LRP1B: variants seen among roughly 807,000 people sequenced by gnomAD.
LRP1B encodes low-density lipoprotein receptor-related protein 1B.
Under a neutral mutation model 556.6 loss-of-function variants are expected in LRP1B, and 217 were observed. That is an observed-to-expected ratio of 0.39 (90% CI 0.35 to 0.44). The LOEUF is 0.44. Ranked by LOEUF, LRP1B falls within the 20% of genes least tolerant of loss-of-function variation. The pLI, the probability that LRP1B is intolerant of heterozygous loss-of-function variation, is 1.00. For synonymous variants in LRP1B, 2,047 were observed against 1,865.8 expected, an observed-to-expected ratio of 1.10 and a Z score of -2.50; for missense variants, 5,053 against 5,620.8, an observed-to-expected ratio of 0.90 and a Z score of 3.23.
Position 141,971,892 on chromosome 2 carries a change from A to G in LRP1B, c.82+158756T>C, listed in dbSNP as rs1489089369. Among the ~76,000 whole-genome samples, 29 of 151,450 alleles carry G rather than the reference A, an allele frequency of 1.9e-4. No individual in the cohort carries two copies. The Admixed American group carries it at 1.9e-3, about 10-fold the overall frequency. ...TCCAGGCTAGAAATTGTAGGCACTG[A>G]TCACTCTTCACCCCTTTATACCTAA... is the stretch of plus-strand genomic sequence containing the variant. On this transcript the variant is annotated intron_variant, in intron 1 of 90. Coordinates refer to ENST00000389484, the MANE Select transcript of LRP1B (RefSeq NM_018557.3).
chr2:141,986,085 A>G (rs1297590742), intron 1 of LRP1B, among the ~76,000 whole-genome samples: 3 of 151,960 alleles, frequency 2.0e-5, no homozygotes, highest in Non-Finnish European at 4.4e-5. Context: ...GTAAATGTTC[A>G]TATCTAAAAT....
chr2:140,390,531 T>A lies in LRP1B; in HGVS notation c.10415-4522A>T, dbSNP rs561639784. On this transcript the variant is annotated intron_variant, in intron 66 of 90. Transcript: ENST00000389484. Reference sequence around the variant, plus strand: ...TAATGTTGGAAAAGACAAGGGTTACTTGGACAGGCATTGAAAAAAAGCATT... The same window carrying A: ...TAATGTTGGAAAAGACAAGGGTTACATGGACAGGCATTGAAAAAAAGCATT... Among the ~76,000 whole-genome samples, 3 of 151,862 alleles carry A rather than the reference T, an allele frequency of 2.0e-5. No individual in the cohort carries two copies. In the South Asian group the frequency reaches 6.2e-4, roughly 32 times the overall value.
chr2:141,441,865 T>C (rs1680990583), intron 3 of LRP1B, among the ~76,000 whole-genome samples: 1 of 152,230 alleles, frequency 6.6e-6, no homozygotes, highest in South Asian at 2.1e-4. Flanking sequence ...GAGAAATCAA[T>C]TTGTCAGGAC....
intron 66 of LRP1B, among the ~76,000 whole-genome samples, chr2:140,403,822 T>C (rs2105233377): frequency 6.6e-6 from 1 of 152,174 alleles, no homozygotes; most frequent in South Asian, 2.1e-4. Flanking sequence ...AGACACATAG[T>C]CATCAGGCTA....
At chr2:141,036,018 T>C (rs978059108) in intron 11 of LRP1B, among the ~76,000 whole-genome samples, 1 of 152,100 alleles carries the variant, frequency 6.6e-6, no homozygotes, top group Admixed American at 6.6e-5. Flanking sequence ...TTGCTTAAGA[T>C]GCAATGCAGA....
At chr2:141,475,297 G>T (rs943643106) in intron 3 of LRP1B, among the ~76,000 whole-genome samples, 5 of 152,098 alleles carry the variant, frequency 3.3e-5, no homozygotes, top group African/African-American at 1.2e-4. Context: ...AACCTGGGAG[G>T]GGGAGGTTGC....
intron 2 of LRP1B, among the ~76,000 whole-genome samples, chr2:141,804,142 T>A (rs1210835655): frequency 6.6e-6 from 1 of 152,154 alleles, no homozygotes; most frequent in African/African-American, 2.4e-5. Context: ...AATGACAATG[T>A]ATTTTTAAAT....
At chr2:140,546,751 C>G (rs113937789) in intron 43 of LRP1B, among the ~76,000 whole-genome samples, 5,118 of 152,094 alleles carry the variant, frequency 0.034, 112 homozygotes, top group African/African-American at 0.062. Context: ...GATTTTCAAT[C>G]GGAATGCTTC....
At chr2:141,795,350 A>G (rs1345058361) in intron 2 of LRP1B, among the ~76,000 whole-genome samples, 1 of 152,080 alleles carries the variant, frequency 6.6e-6, no homozygotes, top group Non-Finnish European at 1.5e-5. Context: ...AATTTTCTTT[A>G]TAAAAAAATA....
intron 11 of LRP1B, among the ~76,000 whole-genome samples, chr2:141,037,950 A>G (rs1411165361): frequency 1.3e-5 from 2 of 151,704 alleles, no homozygotes; most frequent in Non-Finnish European, 2.9e-5. Flanking sequence ...TCTATTTTAA[A>G]AGATCTACCA....
intron 7 of LRP1B, among the ~76,000 whole-genome samples, chr2:141,107,228 GT>G (rs1239975466): frequency 1.3e-5 from 2 of 152,144 alleles, no homozygotes; most frequent in Non-Finnish European, 2.9e-5. Context: ...TTTATGTGGT[GT>G]TTTAAATTAT....
intron 7 of LRP1B, among the ~76,000 whole-genome samples, chr2:141,150,817 A>G (rs1701902348): frequency 6.6e-6 from 1 of 150,520 alleles, no homozygotes; most frequent in African/African-American, 2.4e-5. Context: ...TCCACACATT[A>G]TGTAAATAAC....
intron 86 of LRP1B, among the ~76,000 whole-genome samples, chr2:140,256,035 C>T (rs1681660613): frequency 6.6e-6 from 1 of 152,082 alleles, no homozygotes; most frequent in South Asian, 2.1e-4. Context: ...AATTTAATTA[C>T]AGAGGTATTT....
At chr2:140,456,683 T>G (rs1007071818) in intron 61 of LRP1B, 80 bp from the exon 62 acceptor site, 2 of 1,252,894 alleles carry the variant, frequency 1.6e-6, no homozygotes, top group Non-Finnish European at 2.2e-6. Flanking sequence ...AGATAGGACT[T>G]TTAAGCTGCA....
intron 84 of LRP1B, among the ~76,000 whole-genome samples, chr2:140,293,018 T>C (rs1683456061): frequency 6.6e-6 from 1 of 152,184 alleles, no homozygotes; most frequent in African/African-American, 2.4e-5. Context: ...TTAATGTCTG[T>C]ACTTACTGGA....
At chr2:141,157,433 G>A (rs1373166984) in intron 7 of LRP1B, among the ~76,000 whole-genome samples, 4 of 151,922 alleles carry the variant, frequency 2.6e-5, no homozygotes, top group Admixed American at 2.6e-4. Flanking sequence ...TCTTCTTCAG[G>A]GTTGAGAAAA....
At chr2:141,292,111 G>A (rs1392362938) in intron 3 of LRP1B, among the ~76,000 whole-genome samples, 1 of 152,154 alleles carries the variant, frequency 6.6e-6, no homozygotes, top group Non-Finnish European at 1.5e-5. Context: ...GGCCACATTA[G>A]ATTCTCATAG....
At chr2:141,280,122 C>T (rs554195186) in intron 3 of LRP1B, among the ~76,000 whole-genome samples, 73 of 152,182 alleles carry the variant, frequency 4.8e-4, no homozygotes, top group African/African-American at 1.2e-3. Flanking sequence ...ATCTGAGCCA[C>T]CTCTTACTAC....
chr2:140,962,036 G>A (rs532885080), intron 18 of LRP1B, among the ~76,000 whole-genome samples: 79 of 152,176 alleles, frequency 5.2e-4, no homozygotes, highest in African/African-American at 1.7e-3. Context: ...TGTATTATCC[G>A]ACTTTCTTTA....
Sources: gnomAD v4.1 joint callset for allele counts (sites outside exome capture counted in the v4.1 genomes callset) on GRCh38, gnomAD v4.1.1 for gene constraint, MANE v1.5 for transcripts, NCBI Gene and HGNC (gene_info 2026-07-23, HGNC 2026-07-21) for gene names.